The following INPP5A variants were observed in gnomAD, a reference collection of about 807,000 sequenced individuals.
The protein encoded by INPP5A is 43 kDa inositol polyphosphate 5-phophatase.
In INPP5A, 14 loss-of-function variants were observed where a neutral mutation model predicts 65.2. The observed-to-expected ratio is 0.21, with a 90% CI of 0.14 to 0.34. INPP5A has a LOEUF of 0.34. Ranked by LOEUF, INPP5A falls within the 10% of genes least tolerant of loss-of-function variation. The pLI is 1.00. For synonymous variants in INPP5A, 207 were observed against 208.3 expected (o/e 0.99, Z 0.05); for missense variants, 431 against 545.6 (o/e 0.79, Z 2.09).
intron 9 of INPP5A, among the ~76,000 whole-genome samples, chr10:132,734,887 C>T (rs371502147): frequency 2.5e-4 from 38 of 152,330 alleles, no homozygotes; most frequent in Admixed American, 7.8e-4. Flanking sequence ...GAGCTAGCTT[C>T]GGGGCTGAAT....
intron 1 of INPP5A, 123 bp from the exon 2 acceptor site, chr10:132,607,792 C>G: frequency 1.1e-6 from 1 of 948,764 alleles, no homozygotes; most frequent in Non-Finnish European, 1.6e-6. Flanking sequence ...CTCCTCCATG[C>G]GGGGTGGGCC....
intron 12 of INPP5A, among the ~76,000 whole-genome samples, chr10:132,769,424 C>T (rs528250804): frequency 5.5e-4 from 84 of 152,306 alleles, no homozygotes; most frequent in African/African-American, 1.7e-3. Flanking sequence ...GGAACTCTCC[C>T]GGGCGGGACC....
intron 8 of INPP5A, among the ~76,000 whole-genome samples, chr10:132,722,269 G>A (rs978436795): frequency 6.6e-6 from 1 of 152,068 alleles, no homozygotes; most frequent in Non-Finnish European, 1.5e-5. Context: ...AGCTACGGTC[G>A]CTTTCAGGGG....
chr10:132,726,357 G>C (rs539304760), intron 8 of INPP5A, among the ~76,000 whole-genome samples: 1 of 152,192 alleles, frequency 6.6e-6, no homozygotes, highest in African/African-American at 2.4e-5. Context: ...GCGCCTCCCC[G>C]TCCATCTCCC....
chr10:132,700,964 C>T (rs979926203), intron 6 of INPP5A, among the ~76,000 whole-genome samples: 2 of 152,150 alleles, frequency 1.3e-5, no homozygotes, highest in African/African-American at 2.4e-5. Context: ...CAGGGTGAGT[C>T]ATTTTTTTCC....
Position 132,777,763 on chromosome 10 carries a change from C to G in INPP5A, c.1070C>G (p.Ala357Gly). 6.2e-7 allele frequency: 1 copy of G among 1,613,124 alleles called. No individual in the cohort carries two copies. ...GACCGCATCCTCATGTCCCCGTCTG[C>G]CAAGGAGCTGGTGCTGCGGGTGAGT... ...WCDRILMSPS[A>G]KELVLRSESE... is the part of the protein sequence containing the mutation. The change falls in exon 13 of 16, where the codon GCC becomes GGC. Residue 357 changes from alanine (A) to glycine (G), a missense_variant. Ala to Gly is a moderately conservative substitution (Grantham distance 60). Transcript: ENST00000368594.
chr10:132,728,340 G>T (rs1451421709), intron 9 of INPP5A, among the ~76,000 whole-genome samples: 6 of 152,246 alleles, frequency 3.9e-5, no homozygotes, highest in Non-Finnish European at 7.3e-5. Context: ...AAATGGATCG[G>T]TCTCTGGCCT....
At chr10:132,653,726 A>G (rs2072611487) in intron 4 of INPP5A, among the ~76,000 whole-genome samples, 1 of 152,260 alleles carries the variant, frequency 6.6e-6, no homozygotes, top group Non-Finnish European at 1.5e-5. Flanking sequence ...AGAGAATTAC[A>G]AGGTATTTTA....
intron 9 of INPP5A, among the ~76,000 whole-genome samples, chr10:132,747,246 C>T (rs1339217501): frequency 3.3e-5 from 5 of 152,254 alleles, no homozygotes; most frequent in Non-Finnish European, 5.9e-5. Flanking sequence ...AGGGTGGCCC[C>T]GCTGTGTGGC....
chr10:132,631,336 C>T (rs567454145), intron 2 of INPP5A, among the ~76,000 whole-genome samples: 1 of 152,174 alleles, frequency 6.6e-6, no homozygotes, highest in Non-Finnish European at 1.5e-5. Context: ...TCTGGGGTCC[C>T]AGCACCCGTT....
rs1322377459 is a variant in INPP5A, at chr10:132,575,851, A to T, written c.76-32064A>T. On this transcript the variant is annotated intron_variant, in intron 1 of 15. Transcript: ENST00000368594. This position sits in a 1 kb window ranked among gnomAD's most constrained non-coding sequence, Gnocchi z 5.4. Reference sequence around the variant, plus strand: ...TGCTCTGTGGCTGTTTTCTTTCTTTATGATTGTTTGCTTCTCACACTCCCT... The same window carrying T: ...TGCTCTGTGGCTGTTTTCTTTCTTTTTGATTGTTTGCTTCTCACACTCCCT... Among the ~76,000 whole-genome samples, 1 of 151,930 alleles carries T rather than the reference A, an allele frequency of 6.6e-6. No homozygotes were observed. The highest frequency in any genetic ancestry group is 1.9e-4 in the East Asian group (1 of 5,172).
At chr10:132,634,989 T>C (rs1394705882) in intron 2 of INPP5A, among the ~76,000 whole-genome samples, 4 of 152,244 alleles carry the variant, frequency 2.6e-5, no homozygotes, top group Non-Finnish European at 5.9e-5. Flanking sequence ...AGCCTTGCAA[T>C]TGGAAAGTCC....
intron 1 of INPP5A, among the ~76,000 whole-genome samples, chr10:132,557,364 C>T (rs548485053): frequency 1.0e-3 from 153 of 152,350 alleles, no homozygotes; most frequent in African/African-American, 3.4e-3. Context: ...CTGCAGCACG[C>T]GGGCACCTGG....
Position 132,697,907 on chromosome 10 carries a change from C to G in INPP5A, c.462C>G (p.Asp154Glu). 3 of 1,609,332 alleles carry G rather than the reference C, an allele frequency of 1.9e-6. No homozygotes were observed. The highest frequency in any genetic ancestry group is 2.6e-6 in the Non-Finnish European group (3 of 1,175,776). ...PMLEKEKFPQ[D>E]YFPECKWSRK... Reference sequence around the variant, plus strand: ...TGGAGAAGGAGAAGTTTCCGCAGGACTACTTCCCCGAGGTACGTAGCGAGG... The same window carrying G: ...TGGAGAAGGAGAAGTTTCCGCAGGAGTACTTCCCCGAGGTACGTAGCGAGG... Residue 154 changes from aspartate to glutamate, a missense_variant, in exon 6 of 16, where the codon GAC (aspartate) becomes GAG (glutamate). Coordinates refer to ENST00000368594, the MANE Select transcript of INPP5A (RefSeq NM_005539.5). The surrounding 1 kb of genome is among the most constrained non-coding windows in gnomAD (Gnocchi z 5.6).
chr10:132,749,668 A>T (rs950704723), intron 10 of INPP5A, 56 bp downstream of exon 10: 2 of 1,599,242 alleles, frequency 1.3e-6, no homozygotes, highest in African/African-American at 2.7e-5. Flanking sequence ...AGGACTCTGC[A>T]GCTTCCTTCA....
At chr10:132,626,424 G>GT (rs1408216353) in intron 2 of INPP5A, among the ~76,000 whole-genome samples, 1 of 152,236 alleles carries the variant, frequency 6.6e-6, no homozygotes, top group Admixed American at 6.5e-5. Context: ...CCCAGGTGAG[G>GT]TGCCTGGTCA....
Position 132,753,072 on chromosome 10 carries a change from G to T in INPP5A, c.903+3227G>T, listed in dbSNP as rs1006737126. ...TCATGAGAAGAGCCGATGCCTCGGC[G>T]TTCCTGTCCTGCTACTCAGATCCTC... On this transcript the variant is annotated intron_variant, in intron 11 of 15. Coordinates refer to ENST00000368594, the MANE Select transcript of INPP5A (RefSeq NM_005539.5). The surrounding 1 kb of genome is among the most constrained non-coding windows in gnomAD (Gnocchi z 5.3). Among the ~76,000 whole-genome samples the T allele has an allele frequency of 6.6e-6, 1 of 152,146 alleles. No individual in the cohort carries two copies. Among genetic ancestry groups the T allele is most frequent in the African/African-American group, 2.4e-5 (1 of 41,442 alleles).
In INPP5A at chr10:132,683,763, G is replaced by GGA. The variant is rs200713860; in HGVS notation, c.307-6627_307-6626dup. On this transcript the variant is annotated intron_variant, in intron 4 of 15. Transcript: ENST00000368594. Reference sequence around the variant, plus strand: ...TCTCACTTGCTCTGTCGCCCAGGCTGGAGTGCAGTGGCGCGATCTTGGCTC... The same window carrying GGA: ...TCTCACTTGCTCTGTCGCCCAGGCTGGAGAGTGCAGTGGCGCGATCTTGGCTC... 9.2e-3 allele frequency among the ~76,000 whole-genome samples: 1,395 copies of GGA among 152,334 alleles called. 20 individuals are homozygous for GGA. Among genetic ancestry groups the GGA allele is most frequent in the African/African-American group, 0.032 (1,334 of 41,558 alleles).
At chr10:132,597,065 C>T (rs1326537277) in intron 1 of INPP5A, among the ~76,000 whole-genome samples, 1 of 147,236 alleles carries the variant, frequency 6.8e-6, no homozygotes, top group Non-Finnish European at 1.5e-5. Context: ...GTGCAGGCTC[C>T]TGTACGTGTG....
Sources: gnomAD v4.1 joint callset for allele counts (sites outside exome capture counted in the v4.1 genomes callset) on GRCh38, gnomAD v4.1.1 for gene constraint, Gnocchi (gnomAD v3.1) non-coding constraint, MANE v1.5 for transcripts, NCBI Gene and HGNC (gene_info 2026-07-23, HGNC 2026-07-21) for gene names.